JPH2: variants seen among roughly 807,000 people sequenced by gnomAD.
The protein encoded by JPH2 is junctophilin-2.
Under a neutral mutation model 55.9 loss-of-function variants are expected in JPH2, and 38 were observed. The ratio of observed to expected loss-of-function variants is 0.68; its 90% CI spans 0.52 to 0.89. The LOEUF is 0.89. Ranked by LOEUF, JPH2 falls within the 40% of genes least tolerant of loss-of-function variation. The pLI, the probability that JPH2 is intolerant of heterozygous loss-of-function variation, is 0.00. For missense variants in JPH2, 964 were observed against 1,037.6 expected (o/e 0.93, Z 0.97); for synonymous variants, 480 against 472.4 (o/e 1.02, Z -0.21).
rs1328778959 is a variant in JPH2 at position 44,134,135 on chromosome 20, TATAA to T, written c.1170-15516_1170-15513del. On this transcript the variant is annotated intron_variant, in intron 2 of 5. Transcript: ENST00000372980. ...TATAAATAAATATTTATTATAAATA[TATAA>T]ATAAATATTTATTATAAATATATAA... 2.2e-4 allele frequency among the ~76,000 whole-genome samples: 4 copies of T among 18,380 alleles called. 2 individuals carry two copies. Among genetic ancestry groups the T allele is most frequent in the Non-Finnish European group, 3.5e-4 (4 of 11,592 alleles). 12.1% of individuals were successfully genotyped at this position (18,380 alleles called of 152,430 possible).
chr20:44,159,537 C>G lies in JPH2; in HGVS notation c.1169+81G>C. On this transcript the variant is annotated intron_variant, in intron 2 of 5. Transcript: ENST00000372980. The surrounding 1 kb of genome is among the most constrained non-coding windows in gnomAD (Gnocchi z 5.7). ...AAAGAAGCAGAATCAGGCTTGGAGA[C>G]AGGGCCTCCTAGGTTGCCCTGCCCC... 1 of 1,408,068 alleles carries G rather than the reference C, an allele frequency of 7.1e-7. No homozygotes were observed. The highest frequency in any genetic ancestry group is 9.7e-7 in the Non-Finnish European group (1 of 1,029,728). The allele number at this position is 1,408,068 out of a possible 1,614,324, so 87.2% of individuals were successfully genotyped here.
intron 1 of JPH2, chr20:44,177,681 G>A (rs1403212280): frequency 4.7e-6 from 6 of 1,267,280 alleles, no homozygotes; most frequent in Non-Finnish European, 6.0e-6. Context: ...ATGGAATCAT[G>A]TCTGGCATGG....
In JPH2 at chr20:44,106,839, G is replaced by C. The variant is rs551595552; in HGVS notation, c.*6679C>G. Among the ~76,000 whole-genome samples the C allele has an allele frequency of 6.6e-6, 1 of 152,066 alleles. No individual in the cohort carries two copies. Among genetic ancestry groups the C allele is most frequent in the African/African-American group, 2.4e-5 (1 of 41,406 alleles). On this transcript the variant is annotated 3_prime_UTR_variant, in exon 6 of 6. Transcript: ENST00000372980. ...CCTCCCACTGGGTCCCTCCCACAAC[G>C]TGTGGGTGGGAATTTAAGATGAGAT...
At chr20:44,135,232 CCA>C (rs2072401775) in intron 2 of JPH2, among the ~76,000 whole-genome samples, 1 of 152,062 alleles carries the variant, frequency 6.6e-6, no homozygotes, top group African/African-American at 2.4e-5. Context: ...GCTTAAAACC[CCA>C]CAGTGCCTTT....
At chr20:44,138,301 G>T (rs974953012) in intron 2 of JPH2, among the ~76,000 whole-genome samples, 2 of 151,846 alleles carry the variant, frequency 1.3e-5, no homozygotes, top group Admixed American at 1.3e-4. Flanking sequence ...AAAGTGCTGG[G>T]ATTACAGGCG....
intron 1 of JPH2, chr20:44,176,985 G>C: frequency 1.0e-6 from 1 of 985,446 alleles, no homozygotes; most frequent in Non-Finnish European, 1.2e-6. Flanking sequence ...AAGACCTCCA[G>C]GCACAAGGTG....
chr20:44,181,868 C>A (rs2072786321), intron 1 of JPH2, among the ~76,000 whole-genome samples: 1 of 152,220 alleles, frequency 6.6e-6, no homozygotes, highest in Non-Finnish European at 1.5e-5. Context: ...CACAGAACAG[C>A]AGGACAATTT....
intron 2 of JPH2, among the ~76,000 whole-genome samples, chr20:44,136,116 T>G (rs2072411461): frequency 6.6e-6 from 1 of 152,156 alleles, no homozygotes; most frequent in Non-Finnish European, 1.5e-5. Flanking sequence ...CCACAGGAGG[T>G]GCTTCATGGA....
At chr20:44,156,231 GC>G (rs1292550092) in intron 2 of JPH2, among the ~76,000 whole-genome samples, 1 of 152,206 alleles carries the variant, frequency 6.6e-6, no homozygotes, top group Non-Finnish European at 1.5e-5. Flanking sequence ...AGAGTCGTGT[GC>G]CATGTTGGTC....
chr20:44,107,098 G>T lies in JPH2; in HGVS notation c.*6420C>A, dbSNP rs2072113224. Among the ~76,000 whole-genome samples the T allele has an allele frequency of 6.6e-6, 1 of 152,236 alleles. No individual in the cohort carries two copies. The highest frequency in any genetic ancestry group is 1.5e-5 in the Non-Finnish European group (1 of 68,014). On this transcript the variant is annotated 3_prime_UTR_variant, in exon 6 of 6. Coordinates refer to ENST00000372980, the MANE Select transcript of JPH2 (RefSeq NM_020433.5). The stretch of plus-strand genomic sequence containing the variant: ...TCTTGCAGCTTAGGTGACTCTCAGT[G>T]TCTGCTCCTGCAGAATCCAATCAGT...
chr20:44,134,471 AATATATATTT>A (rs1569194278), intron 2 of JPH2, among the ~76,000 whole-genome samples: 1 of 16,204 alleles, frequency 6.2e-5, no homozygotes, highest in African/African-American at 3.1e-4. Flanking sequence ...AATATATATA[AATATATATTT>A]ATAATATATA....
chr20:44,148,743 T>C (rs2072509822), intron 2 of JPH2, among the ~76,000 whole-genome samples: 2 of 151,900 alleles, frequency 1.3e-5, no homozygotes, highest in Non-Finnish European at 2.9e-5. Context: ...GACTGCCACC[T>C]CAACACTCTC....
intron 2 of JPH2, among the ~76,000 whole-genome samples, chr20:44,121,203 G>A (rs1298614943): frequency 6.6e-6 from 1 of 152,186 alleles, no homozygotes; most frequent in South Asian, 2.1e-4. Context: ...AGGCCCCTAA[G>A]AGGTGGGCGG....
At chr20:44,141,803 C>T (rs2072458747) in intron 2 of JPH2, among the ~76,000 whole-genome samples, 1 of 152,140 alleles carries the variant, frequency 6.6e-6, no homozygotes, top group African/African-American at 2.4e-5. Context: ...GCCACCATGC[C>T]CAGCCACAGG....
chr20:44,109,712 T>C lies in JPH2; in HGVS notation c.*3806A>G, dbSNP rs1044875675. Among the ~76,000 whole-genome samples, 2 of 152,174 alleles carry C rather than the reference T, an allele frequency of 1.3e-5. No homozygotes were observed. Among genetic ancestry groups the C allele is most frequent in the Non-Finnish European group, 2.9e-5 (2 of 68,036 alleles). Reference sequence around the variant, plus strand: ...GTTTAGGTATTATTTGTATTCTGAGTCACTTATTTGGGGGAGAGCATCTTC... The same window carrying C: ...GTTTAGGTATTATTTGTATTCTGAGCCACTTATTTGGGGGAGAGCATCTTC... On this transcript the variant is annotated 3_prime_UTR_variant, in exon 6 of 6. Coordinates refer to ENST00000372980, the MANE Select transcript of JPH2 (RefSeq NM_020433.5).
chr20:44,175,044 C>CA (rs904617835), intron 1 of JPH2, among the ~76,000 whole-genome samples: 2 of 151,604 alleles, frequency 1.3e-5, no homozygotes, highest in African/African-American at 4.8e-5. Flanking sequence ...ATGCTCATTG[C>CA]AAAAAAAATC....
At chr20:44,155,296 G>A (rs1191774350) in intron 2 of JPH2, among the ~76,000 whole-genome samples, 4 of 152,198 alleles carry the variant, frequency 2.6e-5, no homozygotes, top group Non-Finnish European at 5.9e-5. Flanking sequence ...CAGAAGAAGA[G>A]CTGGGGTTCC....
chr20:44,169,173 AT>A (rs59206814), intron 1 of JPH2, among the ~76,000 whole-genome samples: 2,385 of 136,824 alleles, frequency 0.017, 45 homozygotes, highest in African/African-American at 0.059. Context: ...GGCCTTGGGT[AT>A]TTTTTTTTTT....
chr20:44,176,901 A>T (rs1334376281), intron 1 of JPH2: 4 of 985,354 alleles, frequency 4.1e-6, no homozygotes, highest in Admixed American at 6.1e-5. Flanking sequence ...TGCAGGCTGC[A>T]TGCAGCTGTC....
Sources: allele counts gnomAD v4.1 joint callset (sites outside exome capture counted in the v4.1 genomes callset), GRCh38; gene constraint gnomAD v4.1.1; non-coding constraint Gnocchi (gnomAD v3.1); transcripts MANE v1.5; gene names NCBI Gene and HGNC (gene_info 2026-07-23, HGNC 2026-07-21).